The following AGBL4 variants were observed in gnomAD, a reference collection of about 807,000 sequenced individuals.
AGBL4 encodes cytosolic carboxypeptidase 6.
A neutral mutation model predicts 66.4 loss-of-function variants in AGBL4; 58 were observed. That is an observed-to-expected ratio of 0.87 (90% CI 0.71 to 1.09). The LOEUF is 1.09. AGBL4 is among the 50% of genes least tolerant of loss of function. The pLI is 0.00. For missense variants in AGBL4, 579 were observed against 631.0 expected (o/e 0.92, Z 0.88); for synonymous variants, 234 against 222.9 (o/e 1.05, Z -0.44).
At chr1:49,004,623 A>G (rs1225473647) in intron 5 of AGBL4, among the ~76,000 whole-genome samples, 2 of 152,188 alleles carry the variant, frequency 1.3e-5, no homozygotes, top group Non-Finnish European at 2.9e-5. Context: ...GCAGGGAGAA[A>G]GGGGAACAAA....
At chr1:49,502,482 A>T (rs879446000) in intron 3 of AGBL4, among the ~76,000 whole-genome samples, 1 of 152,160 alleles carries the variant, frequency 6.6e-6, no homozygotes, top group Non-Finnish European at 1.5e-5. Context: ...AAAAACAGGC[A>T]GAAGTTGAAA....
intron 4 of AGBL4, among the ~76,000 whole-genome samples, chr1:49,243,346 G>A (rs1651386049): frequency 6.6e-6 from 1 of 151,652 alleles, no homozygotes; most frequent in Admixed American, 6.6e-5. Context: ...TTCCTAAATT[G>A]GGATAGACTC....
At chr1:49,064,428 CTT>C (rs1644456907) in intron 4 of AGBL4, among the ~76,000 whole-genome samples, 1 of 152,164 alleles carries the variant, frequency 6.6e-6, no homozygotes, top group Admixed American at 6.5e-5. Flanking sequence ...TAATGAAAGA[CTT>C]TGTGTTCCTT....
At chr1:48,593,746 G>A (rs1015738655) in intron 9 of AGBL4, among the ~76,000 whole-genome samples, 26 of 151,940 alleles carry the variant, frequency 1.7e-4, no homozygotes, top group African/African-American at 5.6e-4. Context: ...GCGAGACTCC[G>A]TCTCAAAAAA....
chr1:49,575,770 G>A (rs1644423522), intron 3 of AGBL4, among the ~76,000 whole-genome samples: 1 of 152,124 alleles, frequency 6.6e-6, no homozygotes, highest in Non-Finnish European at 1.5e-5. Flanking sequence ...TGTCCATAAG[G>A]CCCACCAGAA....
At position 49,679,747 on chromosome 1, in the gene AGBL4, C is replaced by T. The variant is rs1646651578; in HGVS notation, c.282+17566G>A. Among the ~76,000 whole-genome samples, 4 of 152,244 alleles carry T rather than the reference C, an allele frequency of 2.6e-5. No homozygotes were observed. In the South Asian group the frequency reaches 8.3e-4, roughly 32 times the overall value. On this transcript the variant is annotated intron_variant, in intron 3 of 13. Coordinates refer to ENST00000371839, the MANE Select transcript of AGBL4 (RefSeq NM_032785.4). The stretch of plus-strand genomic sequence containing the variant: ...TTTCAATATATCTTTTTCATCAGCA[C>T]ATAGTGGTTGCTCTAGGTAGCATAC...
intron 6 of AGBL4, among the ~76,000 whole-genome samples, chr1:48,760,893 G>A (rs530053626): frequency 1.3e-5 from 2 of 152,240 alleles, no homozygotes; most frequent in South Asian, 4.2e-4. Flanking sequence ...CATCTAACCC[G>A]AGGTCTCACA....
intron 3 of AGBL4, among the ~76,000 whole-genome samples, chr1:49,393,582 TAGAG>T (rs753826717): frequency 6.6e-6 from 1 of 152,102 alleles, no homozygotes; most frequent in Non-Finnish European, 1.5e-5. Flanking sequence ...TAAGGGCTAT[TAGAG>T]AGGTATGAAA....
chr1:48,771,465 A>G (rs914926017), intron 6 of AGBL4, among the ~76,000 whole-genome samples: 3 of 152,238 alleles, frequency 2.0e-5, no homozygotes, highest in Admixed American at 6.5e-5. Context: ...AGCACATACT[A>G]TTTAGCTGTA....
chr1:49,287,497 G>C (rs1464456989), intron 3 of AGBL4, among the ~76,000 whole-genome samples: 2 of 150,800 alleles, frequency 1.3e-5, no homozygotes, highest in East Asian at 3.9e-4. Context: ...AATCTACAAA[G>C]AACTCAAACA....
intron 3 of AGBL4, among the ~76,000 whole-genome samples, chr1:49,625,908 A>G (rs1212689905): frequency 1.3e-5 from 2 of 152,154 alleles, no homozygotes; most frequent in African/African-American, 4.8e-5. Flanking sequence ...CCTGAGAATG[A>G]TCAGCAAGGA....
chr1:49,905,569 C>T (rs1650193157), intron 1 of AGBL4, among the ~76,000 whole-genome samples: 1 of 152,038 alleles, frequency 6.6e-6, no homozygotes, highest in Non-Finnish European at 1.5e-5. Flanking sequence ...TATTTGGGGG[C>T]ATTAAATTTT....
intron 5 of AGBL4, among the ~76,000 whole-genome samples, chr1:48,990,732 G>A (rs925027502): frequency 3.3e-5 from 5 of 151,520 alleles, no homozygotes; most frequent in Non-Finnish European, 7.4e-5. Context: ...TTGTGTATCC[G>A]TTGCACATTT....
intron 5 of AGBL4, among the ~76,000 whole-genome samples, chr1:48,936,836 C>CT (rs1655522416): frequency 6.6e-6 from 1 of 152,146 alleles, no homozygotes. Context: ...GGTTAAGTGA[C>CT]TTTCTCAAGG....
chr1:48,911,970 G>A (rs56222807), intron 5 of AGBL4, among the ~76,000 whole-genome samples: 3,391 of 151,908 alleles, frequency 0.022, 63 homozygotes, highest in Non-Finnish European at 0.036. Flanking sequence ...AAACAATTTC[G>A]ATAAACTGTG....
rs1300084514 is a variant in AGBL4 at position 48,575,893 on chromosome 1, T to C, written c.1267+11111A>G. On this transcript the variant is annotated intron_variant, in intron 11 of 13. Coordinates refer to ENST00000371839, the MANE Select transcript of AGBL4 (RefSeq NM_032785.4). ...AGTTCTGCATCCCCAGAAACCAGCA[T>C]AGGGCCTGGTACAGCATAGGTGCTC... Among the ~76,000 whole-genome samples the C allele has an allele frequency of 6.6e-5, 10 of 152,334 alleles. No homozygotes were observed. In the East Asian group the frequency reaches 1.5e-3, roughly 24 times the overall value.
chr1:50,017,480 G>A (rs1463530004), intron 1 of AGBL4: 2 of 152,006 alleles, frequency 1.3e-5, no homozygotes, highest in Non-Finnish European at 2.9e-5. Flanking sequence ...ATACAACTGC[G>A]AAAATCCTAG....
At chr1:49,996,911 T>G (rs1460957534) in intron 1 of AGBL4, among the ~76,000 whole-genome samples, 1 of 152,110 alleles carries the variant, frequency 6.6e-6, no homozygotes, top group African/African-American at 2.4e-5. Flanking sequence ...ATCTTTAGCC[T>G]CCTTGGGAAA....
chr1:49,286,504 T>G (rs981061579), intron 3 of AGBL4, among the ~76,000 whole-genome samples: 1 of 152,162 alleles, frequency 6.6e-6, no homozygotes, highest in Non-Finnish European at 1.5e-5. Flanking sequence ...GATAAGCAAC[T>G]TCAGCAAAGT....
Sources: allele counts gnomAD v4.1 joint callset (sites outside exome capture counted in the v4.1 genomes callset), GRCh38; gene constraint gnomAD v4.1.1; transcripts MANE v1.5; gene names NCBI Gene and HGNC (gene_info 2026-07-23, HGNC 2026-07-21).